The following ITGA9 variants were observed in gnomAD, a reference collection of about 807,000 sequenced individuals.
The protein encoded by ITGA9 is integrin subunit alpha 9.
ITGA9 carries 56 observed loss-of-function variants against 127.8 expected under a neutral mutation model. That is an observed-to-expected ratio of 0.44 (90% confidence interval 0.35 to 0.55). The LOEUF is 0.55. Among genes scored for constraint, ITGA9 ranks in the 20% least tolerant of loss-of-function variants. The pLI is 0.00. For synonymous variants in ITGA9, 508 were observed against 514.5 expected (o/e 0.99, Z 0.17); for missense variants, 1,196 against 1,347.1 (o/e 0.89, Z 1.76).
chr3:37,493,142 C>T (rs2125564747), intron 4 of ITGA9, among the ~76,000 whole-genome samples: 1 of 152,270 alleles, frequency 6.6e-6, no homozygotes, highest in East Asian at 1.9e-4. Flanking sequence ...ATTTAGCAGT[C>T]AGTTAATGGC....
At position 37,494,544 on chromosome 3, in the gene ITGA9, T is replaced by C. The variant is rs1352492581; in HGVS notation, c.588T>C (p.Ala196=). The change falls in exon 5 of 28, where the codon GCT becomes GCC. Residue 196 remains alanine (A), a synonymous_variant. Transcript: ENST00000264741. ...KYGEEHGSCQ[A]GIAGFFTEEL... ...GAGAGGAACACGGCTCCTGCCAGGC[T>C]GGGATAGCGGGCTTCTTCACCGAGG... 3.1e-6 allele frequency: 5 copies of C among 1,613,808 alleles called. No individual in the cohort carries two copies. The highest frequency in any genetic ancestry group is 4.2e-6 in the Non-Finnish European group (5 of 1,179,830).
chr3:37,719,573 C>T (rs1487693154), intron 18 of ITGA9, among the ~76,000 whole-genome samples: 1 of 152,104 alleles, frequency 6.6e-6, no homozygotes, highest in Non-Finnish European at 1.5e-5. Context: ...CCCTGGAGGC[C>T]GCCTATGACA....
At chr3:37,747,634 G>T (rs919751099) in intron 22 of ITGA9, among the ~76,000 whole-genome samples, 1 of 144,740 alleles carries the variant, frequency 6.9e-6, no homozygotes, top group African/African-American at 2.6e-5. Context: ...CAATTGTTTT[G>T]GTTCAATTTT....
At chr3:37,511,288 A>G (rs1034029117) in intron 8 of ITGA9, among the ~76,000 whole-genome samples, 1 of 152,246 alleles carries the variant, frequency 6.6e-6, no homozygotes, top group African/African-American at 2.4e-5. Context: ...TGCAGTTCAG[A>G]TGTTAATACA....
chr3:37,634,550 A>T (rs1389450944), intron 16 of ITGA9, among the ~76,000 whole-genome samples: 2 of 152,218 alleles, frequency 1.3e-5, no homozygotes, highest in Non-Finnish European at 2.9e-5. Flanking sequence ...AAGAGGACAT[A>T]ACAATTGTAA....
chr3:37,734,550 C>T (rs772757814), intron 19 of ITGA9, among the ~76,000 whole-genome samples: 20 of 152,128 alleles, frequency 1.3e-4, no homozygotes, highest in Admixed American at 4.6e-4. Flanking sequence ...AGTGCAGTGG[C>T]GCAATCTTGG....
Position 37,452,405 on chromosome 3 carries a change from G to T in ITGA9, c.31G>T (p.Gly11Trp). The part of the protein sequence containing the change: MGGPAAPRGA[G>W]RLRALLLALV... ...CGGCCCGGCTGCGCCGAGGGGCGCC[G>T]GGAGGCTCCGCGCGCTGCTGCTGGC... The change falls in exon 1 of 28, where the codon GGG becomes TGG. Residue 11 changes from glycine (G) to tryptophan (W), a missense_variant. Transcript: ENST00000264741. The surrounding 1 kb of genome is among the most constrained non-coding windows in gnomAD (Gnocchi z 7.3). 3 of 1,412,722 alleles carry T rather than the reference G, an allele frequency of 2.1e-6. No individual in the cohort carries two copies. The highest frequency in any genetic ancestry group is 2.8e-6 in the Non-Finnish European group (3 of 1,080,664). The allele number at this position is 1,412,722 out of a possible 1,614,324, so 87.5% of individuals were successfully genotyped here.
chr3:37,514,532 T>TGGG (rs199732259), intron 9 of ITGA9, among the ~76,000 whole-genome samples: 1 of 151,966 alleles, frequency 6.6e-6, no homozygotes, highest in African/African-American at 2.4e-5. Context: ...CATTTCAGCA[T>TGGG]GGGGGGGCAG....
intron 15 of ITGA9, among the ~76,000 whole-genome samples, chr3:37,620,234 G>T (rs1700114981): frequency 6.6e-6 from 1 of 152,222 alleles, no homozygotes; most frequent in Non-Finnish European, 1.5e-5. Flanking sequence ...TTCGCTGGAG[G>T]AGATGGCTCC....
chr3:37,801,125 A>G (rs1697230685), intron 26 of ITGA9, among the ~76,000 whole-genome samples: 1 of 152,278 alleles, frequency 6.6e-6, no homozygotes, highest in South Asian at 2.1e-4. Context: ...AGATTGCCCC[A>G]CCGCACTGCA....
At chr3:37,687,072 T>G (rs532471393) in intron 18 of ITGA9, among the ~76,000 whole-genome samples, 1 of 152,192 alleles carries the variant, frequency 6.6e-6, no homozygotes, top group South Asian at 2.1e-4. Context: ...AAAAAGATTA[T>G]TAATAGAAAA....
At chr3:37,465,589 C>T (rs916246746) in intron 1 of ITGA9, among the ~76,000 whole-genome samples, 9 of 152,158 alleles carry the variant, frequency 5.9e-5, no homozygotes, top group African/African-American at 1.4e-4. Context: ...GTGCATGAAC[C>T]GATGCACCCA....
chr3:37,754,664 G>C (rs538770942), intron 23 of ITGA9, among the ~76,000 whole-genome samples: 1 of 152,246 alleles, frequency 6.6e-6, no homozygotes, highest in East Asian at 1.9e-4. Flanking sequence ...TTGCCATAGG[G>C]TACCATTAGG....
intron 18 of ITGA9, among the ~76,000 whole-genome samples, chr3:37,691,606 T>C (rs1700832727): frequency 6.6e-6 from 1 of 152,196 alleles, no homozygotes. Flanking sequence ...ACATGTCCAG[T>C]GACCACCTCC....
chr3:37,725,567 G>A (rs1696179261), intron 18 of ITGA9, among the ~76,000 whole-genome samples: 1 of 152,152 alleles, frequency 6.6e-6, no homozygotes, highest in Non-Finnish European at 1.5e-5. Flanking sequence ...TCACATCCTG[G>A]CTCCATCATT....
At chr3:37,553,105 C>T (rs1699394709) in intron 15 of ITGA9, among the ~76,000 whole-genome samples, 1 of 151,994 alleles carries the variant, frequency 6.6e-6, no homozygotes, top group African/African-American at 2.4e-5. Flanking sequence ...AAATTCTTCA[C>T]CCAGATTCCC....
chr3:37,711,088 G>C (rs1319521692), intron 18 of ITGA9, among the ~76,000 whole-genome samples: 1 of 152,180 alleles, frequency 6.6e-6, no homozygotes, highest in Non-Finnish European at 1.5e-5. Flanking sequence ...AGGCTCCACT[G>C]GAGGATCTGC....
At position 37,461,524 on chromosome 3, in the gene ITGA9, A is replaced by C. The variant is rs988485173; in HGVS notation, c.185+8965A>C. Among the ~76,000 whole-genome samples the C allele has an allele frequency of 3.9e-5, 6 of 152,124 alleles. No individual in the cohort carries two copies. In the South Asian group the frequency reaches 6.2e-4, roughly 16 times the overall value. On this transcript the variant is annotated intron_variant, in intron 1 of 27. Coordinates refer to ENST00000264741, the MANE Select transcript of ITGA9 (RefSeq NM_002207.3). The stretch of plus-strand genomic sequence containing the variant: ...GTTATTTCTCTTGTTACTTGATCTG[A>C]TTTATGAAACCAATGGTCTTTTTCA...
intron 15 of ITGA9, among the ~76,000 whole-genome samples, chr3:37,554,505 C>A (rs1257572067): frequency 6.6e-6 from 1 of 151,954 alleles, no homozygotes; most frequent in Non-Finnish European, 1.5e-5. Flanking sequence ...AGGGTGGTGA[C>A]CTGGCCTGCC....
Sources: gnomAD v4.1 joint callset for allele counts (sites outside exome capture counted in the v4.1 genomes callset) on GRCh38, gnomAD v4.1.1 for gene constraint, Gnocchi (gnomAD v3.1) non-coding constraint, MANE v1.5 for transcripts, NCBI Gene and HGNC (gene_info 2026-07-23, HGNC 2026-07-21) for gene names.